Variants in ATRNL1 observed in about 807,000 individuals in gnomAD.
ATRNL1 encodes the protein attractin-like protein 1.
Under a neutral mutation model 182.7 loss-of-function variants are expected in ATRNL1, and 95 were observed. The observed-to-expected ratio is 0.52, with a 90% CI of 0.44 to 0.62. ATRNL1 has a LOEUF of 0.62. Ranked by LOEUF, ATRNL1 falls within the 20% of genes least tolerant of loss-of-function variation. ATRNL1 has a pLI of 0.00. For synonymous variants in ATRNL1, 576 were observed against 568.3 expected (o/e 1.01, Z -0.19); for missense variants, 1,471 against 1,679.5 (o/e 0.88, Z 2.17).
chr10:115,368,122 G>C (rs538054202), intron 19 of ATRNL1, among the ~76,000 whole-genome samples: 53 of 152,332 alleles, frequency 3.5e-4, no homozygotes, highest in African/African-American at 1.2e-3. Context: ...CCCTCCCCCA[G>C]GCTCGCTGCT....
intron 26 of ATRNL1, among the ~76,000 whole-genome samples, chr10:115,664,053 A>G (rs573400807): frequency 1.3e-5 from 2 of 152,170 alleles, no homozygotes; most frequent in African/African-American, 4.8e-5. Flanking sequence ...TCTCACCTAA[A>G]TCCAGCCTTC....
intron 24 of ATRNL1, among the ~76,000 whole-genome samples, chr10:115,487,269 T>A (rs930968471): frequency 2.2e-4 from 33 of 152,164 alleles, no homozygotes; most frequent in African/African-American, 7.7e-4. Context: ...TTTTTCCAGT[T>A]CTGTGAAGAA....
At chr10:115,722,285 T>A (rs1947453459) in intron 26 of ATRNL1, among the ~76,000 whole-genome samples, 1 of 152,062 alleles carries the variant, frequency 6.6e-6, no homozygotes, top group Non-Finnish European at 1.5e-5. Flanking sequence ...AACTGTAACC[T>A]GAATAAAGAT....
chr10:115,208,331 T>A (rs1554894263), intron 8 of ATRNL1, among the ~76,000 whole-genome samples: 2 of 152,114 alleles, frequency 1.3e-5, no homozygotes, highest in Non-Finnish European at 2.9e-5. Flanking sequence ...ATTGGATGAT[T>A]TTCTTTTTGT....
At chr10:115,232,099 A>G (rs374348312) in intron 9 of ATRNL1, among the ~76,000 whole-genome samples, 37 of 152,246 alleles carry the variant, frequency 2.4e-4, no homozygotes, top group African/African-American at 7.9e-4. Context: ...TTAGTCTTCT[A>G]TTGTTTCACG....
At chr10:115,668,666 T>TA (rs1401591191) in intron 26 of ATRNL1, among the ~76,000 whole-genome samples, 3 of 152,172 alleles carry the variant, frequency 2.0e-5, no homozygotes, top group Non-Finnish European at 4.4e-5. Context: ...AGTAGTGTAC[T>TA]AAAATGTCCA....
intron 28 of ATRNL1, among the ~76,000 whole-genome samples, chr10:115,906,154 AC>A (rs1337360270): frequency 1.3e-5 from 2 of 152,176 alleles, no homozygotes; most frequent in Non-Finnish European, 2.9e-5. Context: ...GTAAATATTT[AC>A]TGTTATGACT....
At chr10:115,740,317 G>A (rs1444314857) in intron 27 of ATRNL1, among the ~76,000 whole-genome samples, 1 of 151,728 alleles carries the variant, frequency 6.6e-6, no homozygotes, top group Non-Finnish European at 1.5e-5. Flanking sequence ...ATTATTATAT[G>A]TCTTTTTAAA....
intron 5 of ATRNL1, among the ~76,000 whole-genome samples, chr10:115,155,632 T>C (rs1291968249): frequency 6.6e-6 from 1 of 152,198 alleles, no homozygotes; most frequent in African/African-American, 2.4e-5. Flanking sequence ...ATCCATTGAT[T>C]GATTGATTCC....
At position 115,943,677 on chromosome 10, in the gene ATRNL1, G is replaced by T. The variant is rs1953796032; in HGVS notation, c.4019-981G>T. On this transcript the variant is annotated intron_variant, in intron 28 of 28. Transcript: ENST00000355044. ...ATATTATCCAGCAATCAGGCTCCTA[G>T]GTACTTATGAATTGAAATGTTATGT... is the stretch of plus-strand genomic sequence containing the variant. Among the ~76,000 whole-genome samples the T allele has an allele frequency of 2.0e-5, 3 of 150,348 alleles. No homozygotes were observed. In the South Asian group the frequency reaches 6.5e-4, roughly 33 times the overall value.
intron 8 of ATRNL1, among the ~76,000 whole-genome samples, chr10:115,195,751 AACTCT>A (rs1564811856): frequency 6.6e-6 from 1 of 152,070 alleles, no homozygotes; most frequent in Non-Finnish European, 1.5e-5. Context: ...TAAGGCCAGT[AACTCT>A]TTAGGATAAC....
intron 28 of ATRNL1, chr10:115,909,657 G>A (rs1333286408): frequency 2.0e-5 from 3 of 151,258 alleles, no homozygotes; most frequent in Admixed American, 6.6e-5. Flanking sequence ...ACGAAGTGAG[G>A]TGGGAGGACA....
chr10:115,438,508 T>C (rs1846513588), intron 21 of ATRNL1, among the ~76,000 whole-genome samples: 1 of 152,014 alleles, frequency 6.6e-6, no homozygotes, highest in African/African-American at 2.4e-5. Context: ...TAATCATTAG[T>C]TTTTAATATC....
At chr10:115,840,839 G>C (rs370380541) in intron 27 of ATRNL1, among the ~76,000 whole-genome samples, 2 of 151,784 alleles carry the variant, frequency 1.3e-5, no homozygotes, top group East Asian at 3.9e-4. Context: ...TGAATGGAGG[G>C]GCCTGAAAAA....
At chr10:115,190,947 C>T (rs892021050) in intron 8 of ATRNL1, among the ~76,000 whole-genome samples, 1 of 152,018 alleles carries the variant, frequency 6.6e-6, no homozygotes, top group Admixed American at 6.6e-5. Flanking sequence ...TTTTGTCTTC[C>T]ACATGTAAGT....
At chr10:115,934,860 TTC>T (rs1297025424) in intron 28 of ATRNL1, among the ~76,000 whole-genome samples, 4 of 152,186 alleles carry the variant, frequency 2.6e-5, no homozygotes, top group Non-Finnish European at 5.9e-5. Flanking sequence ...ACCTCCTGTA[TTC>T]TCTCTTACCA....
At chr10:115,538,947 C>T (rs369355222) in intron 25 of ATRNL1, among the ~76,000 whole-genome samples, 3 of 152,154 alleles carry the variant, frequency 2.0e-5, no homozygotes, top group African/African-American at 4.8e-5. Flanking sequence ...TAATTACCTA[C>T]AGTATTCAAT....
intron 22 of ATRNL1, among the ~76,000 whole-genome samples, chr10:115,463,136 A>T (rs1403984600): frequency 6.6e-6 from 1 of 151,842 alleles, no homozygotes. Flanking sequence ...TATTAATACT[A>T]TGACATTTTG....
chr10:115,918,177 C>T (rs990062028), intron 28 of ATRNL1, among the ~76,000 whole-genome samples: 4 of 150,598 alleles, frequency 2.7e-5, no homozygotes, highest in Non-Finnish European at 5.9e-5. Context: ...CTCAGCTCAC[C>T]GCAACCTCCG....
Sources: allele counts gnomAD v4.1 joint callset (sites outside exome capture counted in the v4.1 genomes callset), GRCh38; gene constraint gnomAD v4.1.1; transcripts MANE v1.5; gene names NCBI Gene and HGNC (gene_info 2026-07-23, HGNC 2026-07-21).